The following PHF2 variants were observed in gnomAD, a reference collection of about 807,000 sequenced individuals.
The protein encoded by PHF2 is lysine-specific demethylase PHF2.
PHF2 carries 27 observed loss-of-function variants against 120.5 expected under a neutral mutation model. The ratio of observed to expected loss-of-function variants is 0.22; its 90% CI spans 0.17 to 0.31. The LOEUF is 0.31. PHF2 is among the 10% of genes least tolerant of loss of function. PHF2 has a pLI of 1.00. For synonymous variants in PHF2, 568 were observed against 592.5 expected, an observed-to-expected ratio of 0.96 and a Z score of 0.60; for missense variants, 1,024 against 1,434.8, an observed-to-expected ratio of 0.71 and a Z score of 4.63.
chr9:93,653,911 A>AT (rs1826413220), intron 6 of PHF2, among the ~76,000 whole-genome samples: 1 of 152,192 alleles, frequency 6.6e-6, no homozygotes, highest in African/African-American at 2.4e-5. Context: ...GCAGGTGCAC[A>AT]TGCTGATCCC....
At position 93,677,560 on chromosome 9, in the gene PHF2, T is replaced by G; in HGVS notation, c.3203-28T>G. The stretch of plus-strand genomic sequence containing the variant: ...CCTTGCCATCTAGCTTACCTTCCCT[T>G]TTTGTGTCCCCTCCCCGACTCCCCT... On this transcript the variant is annotated intron_variant, in intron 21 of 21. Transcript: ENST00000359246. This position sits in a 1 kb window ranked among gnomAD's most constrained non-coding sequence, Gnocchi z 4.4. 3 of 1,593,032 alleles carry G rather than the reference T, an allele frequency of 1.9e-6. No individual in the cohort carries two copies. Among genetic ancestry groups the G allele is most frequent in the Non-Finnish European group, 2.6e-6 (3 of 1,162,008 alleles).
At position 93,581,181 on chromosome 9, in the gene PHF2, G is replaced by T. The variant is rs574504144; in HGVS notation, c.98+4310G>T. The stretch of plus-strand genomic sequence containing the variant: ...CTGTGTCCACCTCCCTAGGGATGGA[G>T]TTGGCCTTTCTGGGCTCTCATTGTG... On this transcript the variant is annotated intron_variant, in intron 1 of 21. Coordinates refer to ENST00000359246, the MANE Select transcript of PHF2 (RefSeq NM_005392.4). 6.6e-5 allele frequency among the ~76,000 whole-genome samples: 10 copies of T among 152,298 alleles called. No homozygotes were observed. In the South Asian group the frequency reaches 2.1e-3, roughly 32 times the overall value.
At chr9:93,613,765 CT>C (rs1825677537) in intron 1 of PHF2, among the ~76,000 whole-genome samples, 1 of 151,858 alleles carries the variant, frequency 6.6e-6, no homozygotes, top group Non-Finnish European at 1.5e-5. Flanking sequence ...TAGAGAGAGT[CT>C]TATTGTGTTG....
intron 9 of PHF2, among the ~76,000 whole-genome samples, chr9:93,657,502 G>A (rs1826481700): frequency 6.6e-6 from 1 of 152,158 alleles, no homozygotes; most frequent in African/African-American, 2.4e-5. Flanking sequence ...CACCCCACAG[G>A]GCCAGCCTGA....
intron 1 of PHF2, among the ~76,000 whole-genome samples, chr9:93,602,022 C>T (rs1161685810): frequency 7.9e-5 from 12 of 151,978 alleles, no homozygotes; most frequent in Admixed American, 6.6e-4. Flanking sequence ...AGCTCTTTTT[C>T]ACCTGTCCTT....
At chr9:93,639,927 G>A (rs779920850) in intron 3 of PHF2, among the ~76,000 whole-genome samples, 3 of 152,240 alleles carry the variant, frequency 2.0e-5, no homozygotes, top group Non-Finnish European at 2.9e-5. Flanking sequence ...AGCAGTCTTG[G>A]TCCAAATATC....
intron 1 of PHF2, among the ~76,000 whole-genome samples, chr9:93,609,674 T>G: frequency 6.6e-6 from 1 of 152,136 alleles, no homozygotes; most frequent in East Asian, 1.9e-4. Flanking sequence ...AAGGTGTTTT[T>G]AGCCCATTCC....
chr9:93,582,215 C>G (rs546573357), intron 1 of PHF2, among the ~76,000 whole-genome samples: 1 of 152,310 alleles, frequency 6.6e-6, no homozygotes, highest in Admixed American at 6.5e-5. Context: ...GGTGGACACA[C>G]TCACCTCCCA....
intron 3 of PHF2, among the ~76,000 whole-genome samples, chr9:93,643,171 C>T (rs565343424): frequency 1.3e-5 from 2 of 152,050 alleles, no homozygotes; most frequent in Non-Finnish European, 2.9e-5. Flanking sequence ...ACTAGTATGT[C>T]CTTGGCTGCT....
chr9:93,586,819 A>G (rs1863054296), intron 1 of PHF2, among the ~76,000 whole-genome samples: 9 of 152,198 alleles, frequency 5.9e-5, no homozygotes, highest in Admixed American at 5.9e-4. Context: ...GGAAGACTGC[A>G]CGGCCCCTGA....
chr9:93,601,378 G>A (rs1825435565), intron 1 of PHF2, among the ~76,000 whole-genome samples: 1 of 152,210 alleles, frequency 6.6e-6, no homozygotes, highest in South Asian at 2.1e-4. Flanking sequence ...GCTTGAGAGG[G>A]AAGGAATGTC....
chr9:93,591,111 G>C (rs1258734870), intron 1 of PHF2, among the ~76,000 whole-genome samples: 1 of 152,138 alleles, frequency 6.6e-6, no homozygotes, highest in Non-Finnish European at 1.5e-5. Flanking sequence ...GGGGCCAGCA[G>C]CCGTGCCTCC....
chr9:93,588,677 G>A (rs57911753), intron 1 of PHF2, among the ~76,000 whole-genome samples: 1 of 152,242 alleles, frequency 6.6e-6, no homozygotes, highest in African/African-American at 2.4e-5. Context: ...GGATCACAAG[G>A]TCAGGAGTTC....
chr9:93,607,038 T>C (rs1232102388), intron 1 of PHF2, among the ~76,000 whole-genome samples: 1 of 152,246 alleles, frequency 6.6e-6, no homozygotes, highest in African/African-American at 2.4e-5. Flanking sequence ...GGCTCTGTAT[T>C]CTGTCCCATT....
chr9:93,613,853 C>T (rs1441279418), intron 1 of PHF2, among the ~76,000 whole-genome samples: 2 of 152,212 alleles, frequency 1.3e-5, no homozygotes, highest in East Asian at 1.9e-4. Flanking sequence ...AGATTACAGG[C>T]ATGAGCCACC....
chr9:93,664,095 A>G (rs1826631215), intron 14 of PHF2, among the ~76,000 whole-genome samples: 4 of 152,136 alleles, frequency 2.6e-5, no homozygotes, highest in Admixed American at 2.6e-4. Flanking sequence ...CATGAGTGTT[A>G]GATGTTTGGC....
intron 14 of PHF2, among the ~76,000 whole-genome samples, chr9:93,663,862 C>T (rs1325959419): frequency 6.6e-6 from 1 of 152,210 alleles, no homozygotes; most frequent in Non-Finnish European, 1.5e-5. Flanking sequence ...CCTCTGGGGA[C>T]TCCTCTCCCT....
At chr9:93,618,540 G>A (rs1172125785) in intron 1 of PHF2, among the ~76,000 whole-genome samples, 12 of 152,290 alleles carry the variant, frequency 7.9e-5, no homozygotes, top group Admixed American at 1.3e-4. Context: ...ATGCACATAC[G>A]CACACATATT....
At chr9:93,652,688 A>G (rs1040232328) in intron 5 of PHF2, among the ~76,000 whole-genome samples, 1 of 152,184 alleles carries the variant, frequency 6.6e-6, no homozygotes, top group Admixed American at 6.5e-5. Flanking sequence ...TCTTCCCTGG[A>G]TATGAGTTGG....
Sources: allele counts gnomAD v4.1 joint callset (sites outside exome capture counted in the v4.1 genomes callset), GRCh38; gene constraint gnomAD v4.1.1; non-coding constraint Gnocchi (gnomAD v3.1); transcripts MANE v1.5; gene names NCBI Gene and HGNC (gene_info 2026-07-23, HGNC 2026-07-21).